The following RBFOX1 variants were observed in gnomAD, a reference collection of about 807,000 sequenced individuals.
RBFOX1 encodes the protein RNA binding protein fox-1 homolog 1.
Under a neutral mutation model 57.7 loss-of-function variants are expected in RBFOX1, and 8 were observed. That is an observed-to-expected ratio of 0.14 (90% CI 0.08 to 0.25). The LOEUF is 0.25. Ranked by LOEUF, RBFOX1 falls within the 10% of genes least tolerant of loss-of-function variation. RBFOX1 has a pLI of 1.00. For missense variants in RBFOX1, 611 were observed against 548.5 expected (o/e 1.11, Z -1.14); for synonymous variants, 326 against 222.4 (o/e 1.47, Z -4.15).
At chr16:6,317,149 AGTT>A (rs2152776970) in intron 2 of RBFOX1, 92 bp downstream of exon 2, 1 of 1,278,220 alleles carries the variant, frequency 7.8e-7, no homozygotes, top group East Asian at 2.5e-5. Context: ...GCAGGTTTGA[AGTT>A]GTTACAAAAA....
intron 2 of RBFOX1, among the ~76,000 whole-genome samples, chr16:6,591,458 A>C (rs1367055049): frequency 6.6e-6 from 1 of 152,156 alleles, no homozygotes; most frequent in African/African-American, 2.4e-5. Context: ...TGTCTCACAA[A>C]AAAAGGAAAA....
intron 4 of RBFOX1, among the ~76,000 whole-genome samples, chr16:7,490,354 C>A (rs2066604026): frequency 1.3e-5 from 2 of 152,168 alleles, no homozygotes; most frequent in Non-Finnish European, 2.9e-5. Flanking sequence ...AGGGCTCTAT[C>A]CCTGGCGAGA....
Position 7,576,319 on chromosome 16 carries a change from G to A in RBFOX1, c.271-3458G>A, listed in dbSNP as rs145884838. 7.2e-5 allele frequency among the ~76,000 whole-genome samples: 11 copies of A among 152,226 alleles called. No homozygotes were observed. The East Asian group carries it at 2.1e-3, about 29-fold the overall frequency. On this transcript the variant is annotated intron_variant, in intron 5 of 15. Coordinates refer to ENST00000550418, the MANE Select transcript of RBFOX1 (RefSeq NM_018723.4). ...GATTAGCAAATAACAGGGATGGTCT[G>A]TGTGATTCCAAAACCCTGGTTCATT...
chr16:6,977,204 TA>T, intron 3 of RBFOX1, among the ~76,000 whole-genome samples: 1 of 118,458 alleles, frequency 8.4e-6, no homozygotes, highest in South Asian at 2.8e-4. Flanking sequence ...ATATATGTTT[TA>T]TCATATATAT....
intron 4 of RBFOX1, among the ~76,000 whole-genome samples, chr16:7,074,653 A>G (rs1463432036): frequency 6.6e-6 from 1 of 152,184 alleles, no homozygotes; most frequent in Non-Finnish European, 1.5e-5. Context: ...GGGACAAAAA[A>G]CCATTTTAAG....
chr16:6,814,463 T>C (rs1460715608), intron 3 of RBFOX1, among the ~76,000 whole-genome samples: 1 of 152,184 alleles, frequency 6.6e-6, no homozygotes, highest in African/African-American at 2.4e-5. Context: ...ACAAGGTAGA[T>C]GTGGCTTCTA....
chr16:5,718,614 C>G (rs1301116024), intron 3 of RBFOX1, among the ~76,000 whole-genome samples: 1 of 152,214 alleles, frequency 6.6e-6, no homozygotes, highest in Non-Finnish European at 1.5e-5. Flanking sequence ...CTGTGTTAAA[C>G]TTTCTGGCCT....
chr16:7,015,220 G>C (rs1597060848), intron 3 of RBFOX1, among the ~76,000 whole-genome samples: 1 of 152,124 alleles, frequency 6.6e-6, no homozygotes, highest in Admixed American at 6.6e-5. Flanking sequence ...GCATTGTGAA[G>C]GCATTAGTAT....
At chr16:5,578,522 T>C (rs1390670772) in intron 2 of RBFOX1, among the ~76,000 whole-genome samples, 1 of 152,176 alleles carries the variant, frequency 6.6e-6, no homozygotes, top group Non-Finnish European at 1.5e-5. Context: ...ATAAAAGAAC[T>C]GTCAATTTCA....
At chr16:7,213,144 C>T (rs540130762) in intron 4 of RBFOX1, among the ~76,000 whole-genome samples, 7 of 152,164 alleles carry the variant, frequency 4.6e-5, no homozygotes, top group Admixed American at 1.3e-4. Context: ...CCCTGAAGCC[C>T]GAACTCCCTA....
chr16:7,223,902 G>C (rs2092918024), intron 4 of RBFOX1, among the ~76,000 whole-genome samples: 1 of 151,818 alleles, frequency 6.6e-6, no homozygotes, highest in Non-Finnish European at 1.5e-5. Context: ...ATACCTTACA[G>C]TTTAATTGTA....
intron 2 of RBFOX1, among the ~76,000 whole-genome samples, chr16:6,440,618 C>T (rs548795208): frequency 2.7e-4 from 41 of 151,962 alleles, no homozygotes; most frequent in African/African-American, 8.4e-4. Context: ...CTGGCCAATA[C>T]GGTGAAAACC....
At chr16:7,015,066 TATC>T (rs2093840842) in intron 3 of RBFOX1, among the ~76,000 whole-genome samples, 1 of 152,200 alleles carries the variant, frequency 6.6e-6, no homozygotes, top group Non-Finnish European at 1.5e-5. Context: ...GGATTCTGTT[TATC>T]TTTTTCTTGC....
At chr16:6,776,288 G>T (rs2079327495) in intron 3 of RBFOX1, among the ~76,000 whole-genome samples, 1 of 152,068 alleles carries the variant, frequency 6.6e-6, no homozygotes, top group Admixed American at 6.5e-5. Flanking sequence ...GCGGGTGCCT[G>T]TAGTCCCAGC....
chr16:7,084,805 C>A (rs1467996938), intron 4 of RBFOX1, among the ~76,000 whole-genome samples: 1 of 151,922 alleles, frequency 6.6e-6, no homozygotes, highest in East Asian at 1.9e-4. Flanking sequence ...ATATTCCCCC[C>A]TCTCTCATGT....
At chr16:7,508,961 G>T (rs1477643332) in intron 4 of RBFOX1, among the ~76,000 whole-genome samples, 2 of 152,192 alleles carry the variant, frequency 1.3e-5, no homozygotes, top group Admixed American at 6.5e-5. Context: ...AGAAAGACAT[G>T]AGCAAATAAT....
rs536158324 is a variant in RBFOX1, at chr16:6,365,788, C to T, written c.-64+48731C>T. On this transcript the variant is annotated intron_variant, in intron 2 of 15. Coordinates refer to ENST00000550418, the MANE Select transcript of RBFOX1 (RefSeq NM_018723.4). ...AGATGGTTAACCTCAGTATCCATGT[C>T]TGTAAAATGGAAAAATGTTTTCTAA... 5.9e-5 allele frequency among the ~76,000 whole-genome samples: 9 copies of T among 152,258 alleles called. No individual in the cohort carries two copies. The South Asian group carries it at 1.7e-3, about 28-fold the overall frequency.
At chr16:7,244,594 A>C (rs1455734996) in intron 4 of RBFOX1, among the ~76,000 whole-genome samples, 3 of 152,184 alleles carry the variant, frequency 2.0e-5, no homozygotes, top group African/African-American at 7.2e-5. Context: ...ATTAGGACAC[A>C]ATGGGGTTGG....
chr16:7,347,064 T>G (rs2097024672), intron 4 of RBFOX1, among the ~76,000 whole-genome samples: 1 of 152,160 alleles, frequency 6.6e-6, no homozygotes, highest in Non-Finnish European at 1.5e-5. Context: ...GCAGGCAGAA[T>G]TTATGGACAT....
Sources: allele counts gnomAD v4.1 joint callset (sites outside exome capture counted in the v4.1 genomes callset), GRCh38; gene constraint gnomAD v4.1.1; transcripts MANE v1.5; gene names NCBI Gene and HGNC (gene_info 2026-07-23, HGNC 2026-07-21).